Variants in DCLK2 observed in about 807,000 individuals in gnomAD.
DCLK2 encodes serine/threonine-protein kinase DCLK2.
DCLK2 carries 31 observed loss-of-function variants against 78.4 expected under a neutral mutation model. The ratio of observed to expected loss-of-function variants is 0.40; its 90% CI spans 0.30 to 0.53. The LOEUF (loss-of-function observed/expected upper bound fraction) is 0.53, where lower values mean the gene tolerates loss of function less well. Ranked by LOEUF, DCLK2 falls within the 20% of genes least tolerant of loss-of-function variation. The pLI is 0.61. For missense variants in DCLK2, 872 were observed against 973.7 expected (o/e 0.90, Z 1.39); for synonymous variants, 407 against 374.9 (o/e 1.09, Z -0.99).
At chr4:150,183,525 A>G (rs931396655) in intron 2 of DCLK2, among the ~76,000 whole-genome samples, 1 of 152,186 alleles carries the variant, frequency 6.6e-6, no homozygotes, top group Non-Finnish European at 1.5e-5. Flanking sequence ...TATATCTTTT[A>G]TAAGGAGCTA....
At chr4:150,184,550 A>G (rs1027551400) in intron 2 of DCLK2, among the ~76,000 whole-genome samples, 4 of 151,746 alleles carry the variant, frequency 2.6e-5, no homozygotes, top group South Asian at 2.1e-4. Context: ...AAGAGTGTCA[A>G]TGGGTCAGGA....
At chr4:150,134,987 C>T (rs998912314) in intron 2 of DCLK2, among the ~76,000 whole-genome samples, 4 of 152,034 alleles carry the variant, frequency 2.6e-5, no homozygotes, top group African/African-American at 9.7e-5. Flanking sequence ...GCTGACTTAC[C>T]TAATCCAAGT....
intron 2 of DCLK2, among the ~76,000 whole-genome samples, chr4:150,166,371 G>A (rs1052305195): frequency 1.4e-5 from 2 of 146,018 alleles, no homozygotes; most frequent in African/African-American, 5.6e-5. Flanking sequence ...GCATGCACCT[G>A]TGGTCCTAGC....
In DCLK2 at chr4:150,204,709, T is replaced by C. The variant is rs562515961; in HGVS notation, c.1056+820T>C. On this transcript the variant is annotated intron_variant, in intron 5 of 15. Coordinates refer to ENST00000296550, the MANE Select transcript of DCLK2 (RefSeq NM_001040260.4). ...GAGTTCAAGACAAGCCTGGCCAACA[T>C]AGTGAAACCCTGACTCTACTAAAAA... 5.3e-5 allele frequency among the ~76,000 whole-genome samples: 8 copies of C among 152,104 alleles called. No homozygotes were observed. The South Asian group carries it at 1.0e-3, about 20-fold the overall frequency.
At chr4:150,138,435 C>T (rs892299629) in intron 2 of DCLK2, among the ~76,000 whole-genome samples, 9 of 152,146 alleles carry the variant, frequency 5.9e-5, no homozygotes, top group Non-Finnish European at 1.0e-4. Flanking sequence ...ATGGTGAAAC[C>T]CCGTCTCTAC....
At chr4:150,243,963 G>C (rs2126611917) in intron 12 of DCLK2, among the ~76,000 whole-genome samples, 1 of 151,560 alleles carries the variant, frequency 6.6e-6, no homozygotes, top group South Asian at 2.1e-4. Context: ...TTAAGAGACA[G>C]GGTCTCTGTT....
chr4:150,256,052 C>T lies in DCLK2; in HGVS notation c.2106C>T (p.Phe702=), dbSNP rs760668190. ...CTCTAGATAAGGAGGGGCAGATTTT[C>T]TGCAGCAAGCACTGTCAAGACAGCG... ...NTALDKEGQI[F]CSKHCQDSGR... Residue 702 remains phenylalanine, a synonymous_variant, in exon 16 of 16, where the codon TTC becomes TTT. Coordinates refer to ENST00000296550, the MANE Select transcript of DCLK2 (RefSeq NM_001040260.4). 6.2e-7 allele frequency: 1 copy of T among 1,613,102 alleles called. No homozygotes were observed. Among genetic ancestry groups the T allele is most frequent in the East Asian group, 2.2e-5 (1 of 44,828 alleles).
intron 1 of DCLK2, among the ~76,000 whole-genome samples, chr4:150,092,515 A>G (rs762399871): frequency 2.0e-5 from 3 of 152,054 alleles, no homozygotes; most frequent in South Asian, 2.1e-4. Context: ...GGTGACATCT[A>G]TTGTGGTTTT....
chr4:150,238,863 A>C (rs1474971068), intron 10 of DCLK2, among the ~76,000 whole-genome samples: 1 of 152,090 alleles, frequency 6.6e-6, no homozygotes, highest in Non-Finnish European at 1.5e-5. Flanking sequence ...CCCAAAGGTC[A>C]TTTTCTTTCT....
chr4:150,079,978 G>A (rs1729126135), intron 1 of DCLK2, among the ~76,000 whole-genome samples: 1 of 152,136 alleles, frequency 6.6e-6, no homozygotes, highest in Non-Finnish European at 1.5e-5. Context: ...TAGACAGCAG[G>A]TCTCAACCTT....
chr4:150,102,374 T>C (rs1306299977), intron 1 of DCLK2, 104 bp from the exon 2 acceptor site: 17 of 1,062,474 alleles, frequency 1.6e-5, no homozygotes, highest in South Asian at 1.6e-5. Flanking sequence ...GTGAACCCAC[T>C]AAGGTTAAGG....
intron 2 of DCLK2, among the ~76,000 whole-genome samples, chr4:150,113,923 C>T (rs1731878025): frequency 6.6e-6 from 1 of 151,916 alleles, no homozygotes; most frequent in African/African-American, 2.4e-5. Flanking sequence ...TTGCTGTATC[C>T]CAGAGATTTT....
rs1734705207 is a variant in DCLK2, at chr4:150,149,127, AAG to A, written c.757-44009_757-44008del. 3.3e-5 allele frequency among the ~76,000 whole-genome samples: 5 copies of A among 152,144 alleles called. 1 individual carries two copies. The South Asian group carries it at 1.0e-3, about 32-fold the overall frequency. On this transcript the variant is annotated intron_variant, in intron 2 of 15. Transcript: ENST00000296550. ...AAAGAAAGAAAGAAATGGAGACCAT[AAG>A]ATACCTGTGAACCAATCTGAGGACA...
chr4:150,182,672 T>C (rs1430170976), intron 2 of DCLK2, among the ~76,000 whole-genome samples: 1 of 151,976 alleles, frequency 6.6e-6, no homozygotes, highest in Non-Finnish European at 1.5e-5. Flanking sequence ...GTTTGGGGGG[T>C]TTAAAATGAA....
intron 3 of DCLK2, 22 bp downstream of exon 3, chr4:150,193,262 T>A: frequency 6.7e-7 from 1 of 1,499,304 alleles, no homozygotes; most frequent in Non-Finnish European, 9.2e-7. Flanking sequence ...CTTCAGCTAA[T>A]TCATTTTTCC....
At chr4:150,134,808 C>G (rs974779890) in intron 2 of DCLK2, among the ~76,000 whole-genome samples, 1 of 151,976 alleles carries the variant, frequency 6.6e-6, no homozygotes, top group Non-Finnish European at 1.5e-5. Flanking sequence ...CCATAGTTCC[C>G]CAAATCATGT....
chr4:150,130,437 A>G (rs541928510), intron 2 of DCLK2, among the ~76,000 whole-genome samples: 1 of 152,168 alleles, frequency 6.6e-6, no homozygotes, highest in Admixed American at 6.5e-5. Context: ...TCACCCAGCC[A>G]CACCCGTACC....
chr4:150,219,132 A>C (rs1740970560), intron 5 of DCLK2, among the ~76,000 whole-genome samples: 1 of 151,792 alleles, frequency 6.6e-6, no homozygotes, highest in African/African-American at 2.4e-5. Context: ...TGAGCCTGGG[A>C]GGTGGAGATT....
intron 1 of DCLK2, among the ~76,000 whole-genome samples, chr4:150,090,451 C>G (rs7689735): frequency 2.0e-5 from 3 of 151,770 alleles, no homozygotes; most frequent in Admixed American, 2.0e-4. Context: ...AACAAAAAAA[C>G]GCACAATGAA....
Sources: gnomAD v4.1 joint callset for allele counts (sites outside exome capture counted in the v4.1 genomes callset) on GRCh38, gnomAD v4.1.1 for gene constraint, MANE v1.5 for transcripts, NCBI Gene and HGNC (gene_info 2026-07-23, HGNC 2026-07-21) for gene names.